The following BDP1 variants were observed in gnomAD, a reference collection of about 807,000 sequenced individuals.
BDP1 encodes BDP1 general transcription factor IIIB subunit.
A neutral mutation model predicts 266.6 loss-of-function variants in BDP1; 169 were observed. The ratio of observed to expected loss-of-function variants is 0.63; its 90% CI spans 0.56 to 0.72. BDP1 has a LOEUF of 0.72. Among genes scored for constraint, BDP1 ranks in the 30% least tolerant of loss-of-function variants. The probability of loss-of-function intolerance (pLI) is 0.00; values close to 1 mark genes in which losing one functional copy is unlikely to be tolerated. For missense variants in BDP1, 3,015 were observed against 3,053.8 expected, an observed-to-expected ratio of 0.99 and a Z score of 0.30; for synonymous variants, 1,090 against 1,022.4, an observed-to-expected ratio of 1.07 and a Z score of -1.26.
At chr5:71,487,972 C>G (rs1383929587) in intron 9 of BDP1, among the ~76,000 whole-genome samples, 1 of 152,144 alleles carries the variant, frequency 6.6e-6, no homozygotes, top group African/African-American at 2.4e-5. Flanking sequence ...ATTTCTTCTT[C>G]TGGGGCATAT....
Position 71,516,076 on chromosome 5 carries a change from C to T in BDP1, c.4665C>T (p.Asn1555=), listed in dbSNP as rs1765199701. ...SVVSVGTNNV[N]TFQQEMKESV... ...CCTTGTTTAGGACTAATAATGTAAA[C>T]ACTTTCCAGCAAGAAATGAAGGAAA... Residue 1555 remains asparagine, a synonymous_variant, in exon 21 of 39, where the codon AAC becomes AAT. Coordinates refer to ENST00000358731, the MANE Select transcript of BDP1 (RefSeq NM_018429.3). 1.2e-6 allele frequency: 2 copies of T among 1,605,872 alleles called. No individual in the cohort carries two copies. Among genetic ancestry groups the T allele is most frequent in the African/African-American group, 1.3e-5 (1 of 74,552 alleles).
intron 37 of BDP1, 40 bp downstream of exon 37, chr5:71,560,277 T>C: frequency 6.3e-7 from 1 of 1,591,782 alleles, no homozygotes; most frequent in Non-Finnish European, 8.6e-7. Context: ...TTGCTCTCTG[T>C]CTTAATAAAT....
At chr5:71,523,162 T>C (rs1239653147) in intron 24 of BDP1, among the ~76,000 whole-genome samples, 1 of 152,182 alleles carries the variant, frequency 6.6e-6, no homozygotes, top group East Asian at 1.9e-4. Flanking sequence ...CCTACTTCTA[T>C]AGTTTTCAAA....
intron 7 of BDP1, among the ~76,000 whole-genome samples, chr5:71,482,700 A>G (rs1198906244): frequency 6.6e-6 from 1 of 152,220 alleles, no homozygotes; most frequent in Non-Finnish European, 1.5e-5. Context: ...AAGCCTATTG[A>G]TATTTCTTTT....
At chr5:71,506,814 CACACACACA>C (rs1561721897) in intron 16 of BDP1, among the ~76,000 whole-genome samples, 8 of 142,796 alleles carry the variant, frequency 5.6e-5, no homozygotes, top group South Asian at 2.4e-4. Context: ...CACACACACA[CACACACACA>C]CCCATATTTT....
intron 22 of BDP1, among the ~76,000 whole-genome samples, chr5:71,518,282 T>G (rs1264009633): frequency 2.6e-5 from 4 of 152,210 alleles, no homozygotes; most frequent in Non-Finnish European, 5.9e-5. Flanking sequence ...TGAATATACT[T>G]TAAATATTTC....
chr5:71,568,856 A>G (rs1013751773), downstream of BDP1, among the ~76,000 whole-genome samples: 4 of 152,258 alleles, frequency 2.6e-5, no homozygotes, highest in African/African-American at 7.2e-5. Context: ...TCCAGACTAT[A>G]TAATGAAAGA....
At chr5:71,485,658 G>A (rs1283741765) in intron 8 of BDP1, among the ~76,000 whole-genome samples, 6 of 152,106 alleles carry the variant, frequency 3.9e-5, no homozygotes, top group Non-Finnish European at 5.9e-5. Context: ...TTTGCCTCCT[G>A]GTCTGGATTC....
chr5:71,464,460 AT>A (rs1761771641), intron 4 of BDP1, among the ~76,000 whole-genome samples: 1 of 152,168 alleles, frequency 6.6e-6, no homozygotes, highest in South Asian at 2.1e-4. Context: ...ACGCCACTGC[AT>A]TCCAGCCTGG....
chr5:71,474,099 C>G (rs1762442003), intron 7 of BDP1, among the ~76,000 whole-genome samples: 2 of 151,876 alleles, frequency 1.3e-5, no homozygotes, highest in South Asian at 4.2e-4. Context: ...CCTGCCTCAG[C>G]CTCCCGAGTA....
intron 26 of BDP1, among the ~76,000 whole-genome samples, chr5:71,538,681 C>G (rs1766782962): frequency 6.6e-6 from 1 of 151,858 alleles, no homozygotes; most frequent in South Asian, 2.1e-4. Context: ...TTTGCAATAC[C>G]CTTTAGGCCT....
At chr5:71,470,590 T>TTC in intron 7 of BDP1, 101 bp downstream of exon 7, 1 of 523,616 alleles carries the variant, frequency 1.9e-6, no homozygotes, top group East Asian at 4.6e-5. Flanking sequence ...TAGTTCATCT[T>TTC]TTTTTTTTTT....
chr5:71,562,875 G>A (rs1743779002), intron 38 of BDP1: 11 of 1,291,920 alleles, frequency 8.5e-6, no homozygotes, highest in Non-Finnish European at 1.1e-5. Flanking sequence ...TCATTTCTAT[G>A]TCTCCTGAAG....
chr5:71,465,647 C>T (rs1368011564), intron 4 of BDP1, among the ~76,000 whole-genome samples: 1 of 152,164 alleles, frequency 6.6e-6, no homozygotes, highest in East Asian at 1.9e-4. Context: ...CTTTGGGAGG[C>T]TGAGGCGGGT....
chr5:71,458,768 A>G lies in BDP1; in HGVS notation c.402A>G (p.Lys134=). ...EAPQPTATST[K]EKQPCSDRYR... is the part of the protein sequence containing the mutation. ...CACAGCCAACTGCCACTTCAACAAAAGAGAAACAGCCATGCTCAGACAGAT... is the reference window on the plus strand; with the variant it reads ...CACAGCCAACTGCCACTTCAACAAAGGAGAAACAGCCATGCTCAGACAGAT... Residue 134 remains lysine (K), a synonymous_variant, in exon 2 of 39, where the codon AAA becomes AAG. Coordinates refer to ENST00000358731, the MANE Select transcript of BDP1 (RefSeq NM_018429.3). 1 of 1,614,164 alleles carries G rather than the reference A, an allele frequency of 6.2e-7. No homozygotes were observed. The highest frequency in any genetic ancestry group is 1.1e-5 in the South Asian group (1 of 91,088).
At position 71,509,470 on chromosome 5, in the gene BDP1, A is replaced by G; in HGVS notation, c.2378A>G (p.Gln793Arg). The change falls in exon 17 of 39, where the codon CAA becomes CGA. Residue 793 changes from glutamine to arginine, a missense_variant. This residue lies in a region of BDP1 where 2,383 missense variants were observed against 2,404.9 expected (regional missense o/e 0.99). Transcript: ENST00000358731. ...GCCCCCTTTTTTTTTTATAGCGTTC[A>G]AGAGAATAATAAGGCAAATAAACTT... ...PKVLNECLSV[Q>R]ENNKANKLNQ... The G allele has an allele frequency of 6.4e-7, 1 of 1,570,124 alleles. No individual in the cohort carries two copies.
chr5:71,562,532 C>T lies in BDP1; in HGVS notation c.7743+12C>T, dbSNP rs761304892. On this transcript the variant is annotated intron_variant, in intron 38 of 38. Coordinates refer to ENST00000358731, the MANE Select transcript of BDP1 (RefSeq NM_018429.3). ...GCTCAGCAACTCAGGTATGTGATAA[C>T]TACTGTATTTTATAGTTTGTATGAG... 6.2e-7 allele frequency: 1 copy of T among 1,610,716 alleles called. No individual in the cohort carries two copies. Among genetic ancestry groups the T allele is most frequent in the Non-Finnish European group, 8.5e-7 (1 of 1,178,530 alleles).
intron 20 of BDP1, among the ~76,000 whole-genome samples, 181 bp downstream of exon 20, chr5:71,515,303 G>A (rs1580120758): frequency 6.6e-6 from 1 of 152,124 alleles, no homozygotes; most frequent in Non-Finnish European, 1.5e-5. Flanking sequence ...ACCTTCTAAT[G>A]GTTGCCTGCT....
At chr5:71,461,249 G>C (rs1464685363) in intron 2 of BDP1, among the ~76,000 whole-genome samples, 2 of 152,056 alleles carry the variant, frequency 1.3e-5, no homozygotes, top group African/African-American at 4.8e-5. Context: ...CAAAGTGCTG[G>C]GATTAGAGAA....
Sources: gnomAD v4.1 joint callset for allele counts (sites outside exome capture counted in the v4.1 genomes callset) on GRCh38, gnomAD v4.1.1 for gene constraint, gnomAD v4.1.1 regional missense constraint, MANE v1.5 for transcripts, NCBI Gene and HGNC (gene_info 2026-07-23, HGNC 2026-07-21) for gene names.